RYR2: variants seen among roughly 807,000 people sequenced by gnomAD.
RYR2 encodes ryanodine receptor 2.
Under a neutral mutation model 601.1 loss-of-function variants are expected in RYR2, and 227 were observed. That is an observed-to-expected ratio of 0.38 (90% confidence interval 0.34 to 0.42). The LOEUF (loss-of-function observed/expected upper bound fraction) is 0.42. Among genes scored for constraint, RYR2 ranks in the 10% least tolerant of loss-of-function variants. The probability of loss-of-function intolerance (pLI) is 1.00; values close to 1 mark genes in which losing one functional copy is unlikely to be tolerated. For synonymous variants in RYR2, 2,223 were observed against 2,175.1 expected (o/e 1.02, Z -0.61); for missense variants, 4,646 against 6,156.5 (o/e 0.75, Z 8.21).
At chr1:237,359,498 C>T (rs1699590326) in intron 4 of RYR2, among the ~76,000 whole-genome samples, 1 of 152,062 alleles carries the variant, frequency 6.6e-6, no homozygotes, top group Non-Finnish European at 1.5e-5. Flanking sequence ...GCGTTTACCA[C>T]CACCAGATTA....
At chr1:237,151,707 T>C (rs185089707) in intron 1 of RYR2, among the ~76,000 whole-genome samples, 1 of 152,228 alleles carries the variant, frequency 6.6e-6, no homozygotes, top group African/African-American at 2.4e-5. Context: ...GACGTCATGA[T>C]GACTGCTGAA....
At chr1:237,453,256 A>G (rs937611148) in intron 14 of RYR2, among the ~76,000 whole-genome samples, 2 of 152,126 alleles carry the variant, frequency 1.3e-5, no homozygotes, top group Non-Finnish European at 2.9e-5. Flanking sequence ...TTCTGTTCAT[A>G]TATAATTGGT....
chr1:237,281,436 G>A (rs891213300), intron 2 of RYR2, among the ~76,000 whole-genome samples: 2 of 152,100 alleles, frequency 1.3e-5, no homozygotes, highest in African/African-American at 4.8e-5. Context: ...AAACACTGAT[G>A]TCTAAGAGAT....
At chr1:237,312,667 A>C (rs1694695012) in intron 2 of RYR2, among the ~76,000 whole-genome samples, 1 of 152,210 alleles carries the variant, frequency 6.6e-6, no homozygotes, top group Non-Finnish European at 1.5e-5. Context: ...TGACATAGGG[A>C]GACTATAAAC....
intron 42 of RYR2, 72 bp downstream of exon 42, chr1:237,631,613 ATTTTTTTTTTTTTTTTTT>A (rs556269614): frequency 1.2e-4 from 26 of 208,572 alleles, no homozygotes; most frequent in East Asian, 2.6e-4. Context: ...TAGAATGCAG[ATTTTTTTTTTTTTTTTTT>A]TTTTTTTTTT....
At chr1:237,458,438 A>G (rs1221409473) in intron 16 of RYR2, among the ~76,000 whole-genome samples, 1 of 152,164 alleles carries the variant, frequency 6.6e-6, no homozygotes, top group Non-Finnish European at 1.5e-5. Flanking sequence ...CAAAACAAAA[A>G]CAAAAATAAA....
chr1:237,369,392 C>T (rs768192281), intron 5 of RYR2, 142 bp from the exon 6 acceptor site: 11 of 725,912 alleles, frequency 1.5e-5, no homozygotes, highest in South Asian at 3.0e-5. Context: ...ATTTCAACAG[C>T]ACTTTGCTTG....
intron 42 of RYR2, among the ~76,000 whole-genome samples, chr1:237,632,099 G>A (rs950939121): frequency 1.3e-5 from 2 of 151,784 alleles, no homozygotes; most frequent in Non-Finnish European, 2.9e-5. Context: ...GTAATTTTTG[G>A]CCTCCTAAAT....
Position 237,153,483 on chromosome 1 carries a change from A to G in RYR2, c.48+110914A>G, listed in dbSNP as rs560939392. Among the ~76,000 whole-genome samples, 3 of 152,236 alleles carry G rather than the reference A, an allele frequency of 2.0e-5. No homozygotes were observed. In the South Asian group the frequency reaches 6.2e-4, roughly 32 times the overall value. On this transcript the variant is annotated intron_variant, in intron 1 of 104. Transcript: ENST00000366574. ...TCTGGCAGTTCAACTTGGCGATAATATTTCTATAAAATAACTGTGGTGCAC... is the reference window on the plus strand; with the variant it reads ...TCTGGCAGTTCAACTTGGCGATAATGTTTCTATAAAATAACTGTGGTGCAC...
chr1:237,301,182 A>G (rs1422439177), intron 2 of RYR2, among the ~76,000 whole-genome samples: 2 of 152,168 alleles, frequency 1.3e-5, no homozygotes, highest in Non-Finnish European at 2.9e-5. Context: ...ACAATCTCAT[A>G]ATGAAAATTC....
chr1:237,823,511 C>T (rs1025412748), intron 101 of RYR2, among the ~76,000 whole-genome samples: 1 of 152,182 alleles, frequency 6.6e-6, no homozygotes, highest in South Asian at 2.1e-4. Flanking sequence ...ACCAGAATCT[C>T]TGGGACACAT....
intron 23 of RYR2, among the ~76,000 whole-genome samples, chr1:237,509,304 G>C (rs1665642249): frequency 6.6e-6 from 1 of 152,178 alleles, no homozygotes; most frequent in South Asian, 2.1e-4. Flanking sequence ...TTTTTGTGTA[G>C]TAGTTAGAAT....
At chr1:237,077,359 G>T in intron 1 of RYR2, among the ~76,000 whole-genome samples, 1 of 119,176 alleles carries the variant, frequency 8.4e-6, no homozygotes, top group Non-Finnish European at 1.9e-5. Context: ...AGACCCATCA[G>T]TGTGCTGTAT....
At chr1:237,757,608 A>C in intron 81 of RYR2, 89 bp from the exon 82 acceptor site, 1 of 847,886 alleles carries the variant, frequency 1.2e-6, no homozygotes, top group Non-Finnish European at 2.0e-6. Context: ...GGGCATAATA[A>C]TAATTTTAAA....
intron 14 of RYR2, among the ~76,000 whole-genome samples, chr1:237,448,078 C>T: frequency 6.6e-6 from 1 of 151,906 alleles, no homozygotes; most frequent in Non-Finnish European, 1.5e-5. Flanking sequence ...AGGTGTGCAT[C>T]ACCACTCCTG....
intron 27 of RYR2, among the ~76,000 whole-genome samples, chr1:237,559,654 G>A (rs1397942298): frequency 6.6e-6 from 1 of 152,196 alleles, no homozygotes; most frequent in Non-Finnish European, 1.5e-5. Context: ...TCGGCCTCCT[G>A]AGGAATAATT....
chr1:237,695,430 G>A (rs974253275), intron 63 of RYR2, among the ~76,000 whole-genome samples: 1 of 152,050 alleles, frequency 6.6e-6, no homozygotes, highest in Non-Finnish European at 1.5e-5. Flanking sequence ...TGAGGACAAG[G>A]GAAATAGCTG....
intron 81 of RYR2, among the ~76,000 whole-genome samples, chr1:237,756,782 C>T (rs909386840): frequency 6.6e-6 from 1 of 152,184 alleles, no homozygotes; most frequent in African/African-American, 2.4e-5. Context: ...AGCTGCCAGA[C>T]ACAATAAGTA....
chr1:237,182,194 T>C (rs1678845540), intron 1 of RYR2, among the ~76,000 whole-genome samples: 1 of 152,132 alleles, frequency 6.6e-6, no homozygotes, highest in Non-Finnish European at 1.5e-5. Context: ...CGATCTTGGC[T>C]CACTGCAGAC....
Sources: gnomAD v4.1 joint callset for allele counts (sites outside exome capture counted in the v4.1 genomes callset) on GRCh38, gnomAD v4.1.1 for gene constraint, MANE v1.5 for transcripts, NCBI Gene and HGNC (gene_info 2026-07-23, HGNC 2026-07-21) for gene names.